The following CNTN5 variants were observed in gnomAD, a reference collection of about 807,000 sequenced individuals.
The protein encoded by CNTN5 is contactin 5.
In CNTN5, 77 loss-of-function variants were observed where a neutral mutation model predicts 129.1. The ratio of observed to expected loss-of-function variants is 0.60; its 90% confidence interval spans 0.50 to 0.72. The LOEUF is 0.72. Among genes scored for constraint, CNTN5 ranks in the 30% least tolerant of loss-of-function variants. The probability of loss-of-function intolerance (pLI) is 0.00; values close to 1 mark genes in which losing one functional copy is unlikely to be tolerated. For missense variants in CNTN5, 1,478 were observed against 1,328.8 expected, an observed-to-expected ratio of 1.11 and a Z score of -1.75; for synonymous variants, 509 against 465.6, an observed-to-expected ratio of 1.09 and a Z score of -1.20.
intron 1 of CNTN5, among the ~76,000 whole-genome samples, chr11:99,139,860 T>A (rs1859428138): frequency 6.6e-6 from 1 of 152,146 alleles, no homozygotes; most frequent in South Asian, 2.1e-4. Context: ...TAAATATGCA[T>A]CCTTCTATTA....
intron 2 of CNTN5, among the ~76,000 whole-genome samples, chr11:99,541,985 G>GAAAA (rs1565277379): frequency 3.2e-4 from 16 of 50,612 alleles, no homozygotes; most frequent in African/African-American, 1.3e-3. Flanking sequence ...AAAAAGAAAA[G>GAAAA]AAAAGAAAGA....
At chr11:99,061,466 G>A (rs900336993) in intron 1 of CNTN5, among the ~76,000 whole-genome samples, 15 of 152,020 alleles carry the variant, frequency 9.9e-5, no homozygotes, top group African/African-American at 3.1e-4. Context: ...CCACCAGGAA[G>A]GCCAGAGAGG....
At chr11:99,473,807 A>T (rs10893384) in intron 2 of CNTN5, among the ~76,000 whole-genome samples, 9 of 151,668 alleles carry the variant, frequency 5.9e-5, no homozygotes, top group Non-Finnish European at 1.3e-4. Flanking sequence ...ATTATATTTA[A>T]AATATAATAT....
intron 3 of CNTN5, among the ~76,000 whole-genome samples, chr11:99,566,108 G>A (rs1165303123): frequency 6.6e-6 from 1 of 152,122 alleles, no homozygotes; most frequent in Non-Finnish European, 1.5e-5. Context: ...AGGTCTAGTG[G>A]GAGGTCTTTG....
chr11:100,110,177 A>T (rs1265772364), intron 13 of CNTN5, among the ~76,000 whole-genome samples: 2 of 149,376 alleles, frequency 1.3e-5, no homozygotes, highest in African/African-American at 5.0e-5. Flanking sequence ...ACAGAGTGAG[A>T]CCCTATCTAA....
At chr11:99,857,677 A>G (rs530512194) in intron 6 of CNTN5, among the ~76,000 whole-genome samples, 4 of 152,272 alleles carry the variant, frequency 2.6e-5, no homozygotes, top group African/African-American at 7.2e-5. Context: ...CTTACATATC[A>G]TATTCGATGT....
intron 3 of CNTN5, among the ~76,000 whole-genome samples, chr11:99,688,269 T>C (rs1458799642): frequency 2.6e-5 from 4 of 152,270 alleles, no homozygotes; most frequent in African/African-American, 9.6e-5. Context: ...CTTGAACTCT[T>C]AGCCTTAAGT....
intron 1 of CNTN5, among the ~76,000 whole-genome samples, chr11:99,276,716 G>A (rs1278002785): frequency 1.3e-5 from 2 of 151,244 alleles, no homozygotes; most frequent in Admixed American, 6.6e-5. Context: ...TTTTATTTGA[G>A]TGTATTTTTT....
intron 2 of CNTN5, among the ~76,000 whole-genome samples, chr11:99,522,677 G>C (rs544781448): frequency 6.6e-6 from 1 of 151,986 alleles, no homozygotes; most frequent in South Asian, 2.1e-4. Flanking sequence ...TAATGTAGTC[G>C]AAGGATCATA....
chr11:99,522,588 G>A (rs1565257342), intron 2 of CNTN5, among the ~76,000 whole-genome samples: 1 of 152,094 alleles, frequency 6.6e-6, no homozygotes, highest in Non-Finnish European at 1.5e-5. Context: ...GTTATTTGGA[G>A]AATATAAATA....
intron 7 of CNTN5, among the ~76,000 whole-genome samples, chr11:99,916,712 C>A (rs1367082288): frequency 6.6e-6 from 1 of 152,088 alleles, no homozygotes; most frequent in Non-Finnish European, 1.5e-5. Context: ...AAACTAAGCT[C>A]TGCTCAGATT....
intron 2 of CNTN5, among the ~76,000 whole-genome samples, chr11:99,356,278 CAT>C (rs1938664427): frequency 6.6e-6 from 1 of 152,118 alleles, no homozygotes; most frequent in African/African-American, 2.4e-5. Context: ...CTCTACAAAT[CAT>C]ATGTGACCAT....
chr11:100,179,321 A>C (rs1342752796), intron 13 of CNTN5, among the ~76,000 whole-genome samples: 1 of 152,084 alleles, frequency 6.6e-6, no homozygotes, highest in Non-Finnish European at 1.5e-5. Flanking sequence ...TTGGATCATG[A>C]GCATCAGATA....
chr11:100,016,345 A>G, intron 9 of CNTN5, among the ~76,000 whole-genome samples: 1 of 152,122 alleles, frequency 6.6e-6, no homozygotes, highest in East Asian at 1.9e-4. Flanking sequence ...TTTATTGTAA[A>G]GCAATTTGCT....
intron 9 of CNTN5, among the ~76,000 whole-genome samples, chr11:100,041,661 T>G (rs1246129931): frequency 6.6e-6 from 1 of 152,208 alleles, no homozygotes; most frequent in Non-Finnish European, 1.5e-5. Flanking sequence ...TGCCTATAGT[T>G]GGGACATAGG....
At chr11:100,242,748 T>C (rs538329407) in intron 16 of CNTN5, among the ~76,000 whole-genome samples, 93 of 152,156 alleles carry the variant, frequency 6.1e-4, no homozygotes, top group Non-Finnish European at 1.1e-3. Flanking sequence ...CAATTTGACA[T>C]GAGATTTGGG....
At chr11:100,350,052 C>G (rs907788521) in intron 23 of CNTN5, among the ~76,000 whole-genome samples, 1 of 151,768 alleles carries the variant, frequency 6.6e-6, no homozygotes, top group Non-Finnish European at 1.5e-5. Context: ...TTTAGCTTTG[C>G]TACACCATGT....
intron 6 of CNTN5, among the ~76,000 whole-genome samples, chr11:99,879,873 C>T (rs995162115): frequency 1.3e-5 from 2 of 152,172 alleles, no homozygotes; most frequent in Admixed American, 1.3e-4. Context: ...AGTCTATGTC[C>T]TTAACAACTC....
At chr11:100,169,656 G>T (rs1274254474) in intron 13 of CNTN5, among the ~76,000 whole-genome samples, 1 of 151,944 alleles carries the variant, frequency 6.6e-6, no homozygotes, top group African/African-American at 2.4e-5. Flanking sequence ...ACTTTTGTAT[G>T]CATTGGAAAA....
Sources: allele counts gnomAD v4.1 joint callset (sites outside exome capture counted in the v4.1 genomes callset), GRCh38; gene constraint gnomAD v4.1.1; transcripts MANE v1.5; gene names NCBI Gene and HGNC (gene_info 2026-07-23, HGNC 2026-07-21).